The following ACYP2 variants were observed in gnomAD, a reference collection of about 807,000 sequenced individuals.
ACYP2 encodes acylphosphatase 2, also known as acylphosphatase-2.
A neutral mutation model predicts 11.2 loss-of-function variants in ACYP2; 12 were observed. The observed-to-expected ratio is 1.08, with a 90% CI of 0.69 to 1.74. The LOEUF (loss-of-function observed/expected upper bound fraction) is 1.74, where lower values mean the gene tolerates loss of function less well. Among genes scored for constraint, ACYP2 ranks in the 40% most tolerant of loss-of-function variants. The pLI is 0.00. For missense variants in ACYP2, 134 were observed against 101.9 expected (o/e 1.31, Z -1.35); for synonymous variants, 43 against 32.2 (o/e 1.33, Z -1.13).
At chr2:54,041,232 C>T (rs1407202526) in intron 2 of ACYP2, among the ~76,000 whole-genome samples, 3 of 151,998 alleles carry the variant, frequency 2.0e-5, no homozygotes, top group Admixed American at 6.6e-5. Flanking sequence ...CAGGCATGAG[C>T]CATCACGCCC....
At chr2:54,256,246 C>T in intron 6 of ACYP2, 1 of 1,400,310 alleles carries the variant, frequency 7.1e-7, no homozygotes, top group Non-Finnish European at 9.7e-7. Flanking sequence ...ACACCTCGCC[C>T]ATTTGCGCCG....
At chr2:54,127,317 A>G (rs1680582705) in intron 4 of ACYP2, among the ~76,000 whole-genome samples, 1 of 152,220 alleles carries the variant, frequency 6.6e-6, no homozygotes, top group African/African-American at 2.4e-5. Context: ...AATTTAGTGC[A>G]GACTATACTT....
chr2:54,175,020 G>A (rs1240330412), intron 6 of ACYP2, among the ~76,000 whole-genome samples: 2 of 152,192 alleles, frequency 1.3e-5, no homozygotes, highest in Non-Finnish European at 2.9e-5. Flanking sequence ...CCAGGCTTTG[G>A]TATCAGGATG....
intron 2 of ACYP2, among the ~76,000 whole-genome samples, chr2:54,006,724 T>C (rs1213402267): frequency 1.3e-5 from 2 of 152,276 alleles, no homozygotes; most frequent in African/African-American, 2.4e-5. Flanking sequence ...CCTTGATCTC[T>C]TGGGCTCAAA....
intron 4 of ACYP2, among the ~76,000 whole-genome samples, chr2:54,063,428 C>T (rs1376927899): frequency 1.3e-5 from 2 of 152,198 alleles, no homozygotes; most frequent in African/African-American, 4.8e-5. Flanking sequence ...CTCGACCCTG[C>T]TGTGTGCTCC....
chr2:54,096,264 CTCA>C (rs1678568850), intron 4 of ACYP2, among the ~76,000 whole-genome samples: 2 of 146,130 alleles, frequency 1.4e-5, no homozygotes, highest in African/African-American at 5.1e-5. Flanking sequence ...CTCCCCACAT[CTCA>C]GACGATGGGT....
chr2:54,135,974 T>G (rs534197429), intron 5 of ACYP2, among the ~76,000 whole-genome samples: 1 of 152,358 alleles, frequency 6.6e-6, no homozygotes, highest in South Asian at 2.1e-4. Context: ...CTCAGCTCAC[T>G]GCAGCCTCCG....
chr2:54,024,151 A>G (rs1674154854), intron 2 of ACYP2, among the ~76,000 whole-genome samples: 2 of 152,156 alleles, frequency 1.3e-5, no homozygotes, highest in South Asian at 4.1e-4. Flanking sequence ...AAGTGGGTGG[A>G]TTACCTGAGG....
intron 4 of ACYP2, among the ~76,000 whole-genome samples, chr2:54,063,030 T>G (rs940056817): frequency 6.6e-6 from 1 of 152,210 alleles, no homozygotes; most frequent in Admixed American, 6.5e-5. Context: ...GGTACTACGC[T>G]AGTTCCTGGG....
chr2:54,113,510 T>C (rs530638535), intron 4 of ACYP2, among the ~76,000 whole-genome samples: 1 of 152,044 alleles, frequency 6.6e-6, no homozygotes, highest in Non-Finnish European at 1.5e-5. Context: ...CCTCCCAACA[T>C]GTTGGGATTA....
chr2:54,300,558 A>C (rs976090592), intron 6 of ACYP2, among the ~76,000 whole-genome samples: 16 of 152,224 alleles, frequency 1.1e-4, no homozygotes, highest in African/African-American at 3.6e-4. Flanking sequence ...GTCTTGGCTA[A>C]GGTCTTCATT....
chr2:54,119,510 C>T (rs192107769), intron 4 of ACYP2, among the ~76,000 whole-genome samples: 9 of 152,152 alleles, frequency 5.9e-5, no homozygotes, highest in African/African-American at 1.2e-4. Context: ...GGACAAAATA[C>T]GGATTGATAA....
At chr2:54,250,478 G>GA (rs1687174124) in intron 6 of ACYP2, among the ~76,000 whole-genome samples, 2 of 109,558 alleles carry the variant, frequency 1.8e-5, no homozygotes, top group African/African-American at 7.3e-5. Context: ...TGGGTGGGGT[G>GA]GGGGGGGCGT....
At chr2:53,990,598 G>A (rs113426200) in intron 2 of ACYP2, among the ~76,000 whole-genome samples, 41 of 144,804 alleles carry the variant, frequency 2.8e-4, no homozygotes, top group South Asian at 4.4e-4. Flanking sequence ...GCAGCGAGCC[G>A]AGATGGCACC....
At chr2:54,292,183 C>G (rs557923202) in intron 6 of ACYP2, among the ~76,000 whole-genome samples, 1 of 152,132 alleles carries the variant, frequency 6.6e-6, no homozygotes, top group South Asian at 2.1e-4. Context: ...AATTCTTATC[C>G]ATAGCAAAAC....
At chr2:54,001,645 C>T (rs776793178) in intron 2 of ACYP2, among the ~76,000 whole-genome samples, 33 of 152,168 alleles carry the variant, frequency 2.2e-4, no homozygotes, top group Non-Finnish European at 4.4e-4. Context: ...CCACTCACCT[C>T]GGCCTTCCAA....
At chr2:54,296,821 T>G (rs553639089) in intron 6 of ACYP2, among the ~76,000 whole-genome samples, 1 of 152,348 alleles carries the variant, frequency 6.6e-6, no homozygotes, top group East Asian at 1.9e-4. Flanking sequence ...CCAGTTTACA[T>G]TATTATTCTT....
At chr2:54,198,608 A>G (rs1392643712) in intron 6 of ACYP2, among the ~76,000 whole-genome samples, 1 of 106,778 alleles carries the variant, frequency 9.4e-6, no homozygotes, top group African/African-American at 4.1e-5. Flanking sequence ...ATTCTAAGTA[A>G]AGAAAAATTA....
At chr2:54,157,988 C>T (rs190459428) in intron 6 of ACYP2, among the ~76,000 whole-genome samples, 178 of 152,200 alleles carry the variant, frequency 1.2e-3, no homozygotes, top group African/African-American at 4.1e-3. Context: ...ACAGGAAAAC[C>T]AACTAAAAGT....
Sources: gnomAD v4.1 joint callset for allele counts (sites outside exome capture counted in the v4.1 genomes callset) on GRCh38, gnomAD v4.1.1 for gene constraint, MANE v1.5 for transcripts, NCBI Gene and HGNC (gene_info 2026-07-23, HGNC 2026-07-21) for gene names.